SKI: variants seen among roughly 807,000 people sequenced by gnomAD.
SKI encodes ski oncogene.
Under a neutral mutation model 59.3 loss-of-function variants are expected in SKI, and 23 were observed. The ratio of observed to expected loss-of-function variants is 0.39; its 90% CI spans 0.28 to 0.55. SKI has a LOEUF of 0.55. Ranked by LOEUF, SKI falls within the 20% of genes least tolerant of loss-of-function variation. The pLI is 0.67. For synonymous variants in SKI, 673 were observed against 488.6 expected, an observed-to-expected ratio of 1.38 and a Z score of -4.98; for missense variants, 1,017 against 1,038.9, an observed-to-expected ratio of 0.98 and a Z score of 0.29.
intron 1 of SKI, among the ~76,000 whole-genome samples, chr1:2,271,808 C>T (rs201462702): frequency 3.3e-5 from 5 of 152,134 alleles, no homozygotes; most frequent in Non-Finnish European, 7.4e-5. Context: ...GGTCTGTTGC[C>T]GAGGGGCCAG....
At chr1:2,272,818 ACCACGCCCCGAGCCTCCCCCTC>A (rs925297029) in intron 1 of SKI, among the ~76,000 whole-genome samples, 23 of 151,460 alleles carry the variant, frequency 1.5e-4, no homozygotes, top group Admixed American at 2.6e-4. Flanking sequence ...GGCAGTTCTC[ACCACGCCCCGAGCCTCCCCCTC>A]CCACGCCCCG....
At chr1:2,235,141 C>G (rs1638725941) in intron 1 of SKI, among the ~76,000 whole-genome samples, 2 of 134,202 alleles carry the variant, frequency 1.5e-5, no homozygotes, top group Admixed American at 1.6e-4. Flanking sequence ...CTCCTGGGTT[C>G]AAGCGATTCT....
chr1:2,297,841 C>A (rs1183976685), intron 1 of SKI, among the ~76,000 whole-genome samples: 1 of 152,272 alleles, frequency 6.6e-6, no homozygotes, highest in Non-Finnish European at 1.5e-5. Context: ...TGAGACTGGC[C>A]ACTCCCATGG....
chr1:2,249,152 G>A (rs1014894554), intron 1 of SKI, among the ~76,000 whole-genome samples: 4 of 152,240 alleles, frequency 2.6e-5, no homozygotes, highest in Admixed American at 2.0e-4. Context: ...TGAGTTGGAG[G>A]CCAGCTTTCA....
intron 1 of SKI, among the ~76,000 whole-genome samples, chr1:2,247,568 G>A (rs1639026631): frequency 6.6e-6 from 1 of 152,252 alleles, no homozygotes; most frequent in Non-Finnish European, 1.5e-5. Context: ...CCCGGGGCAA[G>A]GGGCCATTCT....
intron 1 of SKI, among the ~76,000 whole-genome samples, chr1:2,289,374 T>C (rs1054033518): frequency 2.6e-5 from 4 of 152,002 alleles, no homozygotes; most frequent in Non-Finnish European, 5.9e-5. Context: ...TGCCAGCCAG[T>C]CTTCGAGGGC....
chr1:2,246,650 G>A (rs902199369), intron 1 of SKI, among the ~76,000 whole-genome samples: 57 of 152,204 alleles, frequency 3.7e-4, no homozygotes, highest in African/African-American at 1.3e-3. Context: ...GCTGGGCGGG[G>A]GCTCTGCCGG....
chr1:2,264,013 TAA>T lies in SKI; in HGVS notation c.969+34289_969+34290del, dbSNP rs34137908. 2.2e-3 allele frequency among the ~76,000 whole-genome samples: 325 copies of T among 149,292 alleles called. 1 individual carries two copies. The highest frequency in any genetic ancestry group is 7.6e-3 in the African/African-American group (308 of 40,720). On this transcript the variant is annotated intron_variant, in intron 1 of 6. Transcript: ENST00000378536. ...CAACATAGGGAGACACTGTTTCTATTAAAAAAAAAAAAGTTTCGTGGAACTTA... is the reference window on the plus strand; with the variant it reads ...CAACATAGGGAGACACTGTTTCTATTAAAAAAAAAAGTTTCGTGGAACTTA...
rs886958423 is a variant in SKI, at chr1:2,270,141, C to T, written c.970-32837C>T. ...TGCCCTGGTCATTGTCCCCTACAGC[C>T]AGGCAGTAAAGTGTGGCCAGCACCT... On this transcript the variant is annotated intron_variant, in intron 1 of 6. Coordinates refer to ENST00000378536, the MANE Select transcript of SKI (RefSeq NM_003036.4). This position sits in a 1 kb window ranked among gnomAD's most constrained non-coding sequence, Gnocchi z 4.1. Among the ~76,000 whole-genome samples the T allele has an allele frequency of 1.3e-5, 2 of 152,168 alleles. No homozygotes were observed. Among genetic ancestry groups the T allele is most frequent in the Admixed American group, 6.5e-5 (1 of 15,278 alleles).
chr1:2,286,138 C>G (rs1640036566), intron 1 of SKI, among the ~76,000 whole-genome samples: 1 of 152,184 alleles, frequency 6.6e-6, no homozygotes, highest in African/African-American at 2.4e-5. Context: ...TCCCAAAGTG[C>G]TGGGATTACA....
At chr1:2,241,981 G>A (rs535788142) in intron 1 of SKI, among the ~76,000 whole-genome samples, 6 of 152,264 alleles carry the variant, frequency 3.9e-5, no homozygotes, top group African/African-American at 1.4e-4. Flanking sequence ...GCCTGTGTGT[G>A]CCTGTGTGTA....
intron 1 of SKI, among the ~76,000 whole-genome samples, chr1:2,236,313 T>G (rs1638748790): frequency 6.6e-6 from 1 of 152,244 alleles, no homozygotes; most frequent in African/African-American, 2.4e-5. Context: ...ACTCACTGAA[T>G]GACTCAGTGG....
chr1:2,283,127 C>T (rs761769589), intron 1 of SKI, among the ~76,000 whole-genome samples: 6 of 152,220 alleles, frequency 3.9e-5, no homozygotes, highest in Admixed American at 1.3e-4. Context: ...CCGGCCCAAC[C>T]GCCTTTGTCG....
intron 1 of SKI, among the ~76,000 whole-genome samples, chr1:2,258,503 CTT>C (rs779297545): frequency 3.0e-5 from 4 of 134,900 alleles, no homozygotes; most frequent in Non-Finnish European, 3.2e-5. Context: ...TGTCATTTTC[CTT>C]TTTTTTTTTT....
At chr1:2,230,129 AG>A (rs1638600555) in intron 1 of SKI, among the ~76,000 whole-genome samples, 1 of 152,186 alleles carries the variant, frequency 6.6e-6, no homozygotes, top group Admixed American at 6.5e-5. Context: ...CCTCAGGCCC[AG>A]GTCTTTCTTG....
rs1473292568 is a variant in SKI, at chr1:2,228,595, C to T, written c.-172C>T. 6.2e-6 allele frequency: 1 copy of T among 160,018 alleles called. No individual in the cohort carries two copies. The highest frequency in any genetic ancestry group is 2.1e-4 in the East Asian group (1 of 4,822). The allele number at this position is 160,018 out of a possible 1,614,324, so 9.9% of individuals were successfully genotyped here. A position where few individuals can be genotyped will look rare whatever the true frequency, so the allele number is the denominator to read the frequency against. ...GGCGGGACCCCTTCGCCCCGCCCGCCTTCCCCTTCGCGCCCCCGGGCGAGG... is the reference window on the plus strand; with the variant it reads ...GGCGGGACCCCTTCGCCCCGCCCGCTTTCCCCTTCGCGCCCCCGGGCGAGG... On this transcript the variant is annotated 5_prime_UTR_variant, in exon 1 of 7. Transcript: ENST00000378536.
rs200160702 is a variant in SKI at position 2,303,341 on chromosome 1, C to G, written c.1152C>G (p.Pro384=). The G allele has an allele frequency of 1.9e-6, 3 of 1,613,882 alleles. No homozygotes were observed. The highest frequency in any genetic ancestry group is 3.3e-4 in the Middle Eastern group (2 of 6,062). Residue 384 remains proline (P), a synonymous_variant, in exon 3 of 7, where the codon CCC becomes CCG. Coordinates refer to ENST00000378536, the MANE Select transcript of SKI (RefSeq NM_003036.4). This position sits in a 1 kb window ranked among gnomAD's most constrained non-coding sequence, Gnocchi z 5.6. ...QRLSAFRPWS[P]AVSASEKELS... The stretch of plus-strand genomic sequence containing the variant: ...TCTCTGCTTTCCGACCCTGGTCCCC[C>G]GCAGTGTCAGCGAGTGAGAAAGAGC...
intron 1 of SKI, among the ~76,000 whole-genome samples, chr1:2,251,229 A>G (rs1299772199): frequency 6.6e-6 from 1 of 152,114 alleles, no homozygotes; most frequent in African/African-American, 2.4e-5. Flanking sequence ...CACAGTTTTG[A>G]TGCCCAAGTT....
At chr1:2,240,097 C>T (rs1300039712) in intron 1 of SKI, among the ~76,000 whole-genome samples, 11 of 152,236 alleles carry the variant, frequency 7.2e-5, no homozygotes, top group Non-Finnish European at 1.5e-4. Flanking sequence ...TCTGTGGGGT[C>T]TCTTGTCCTG....
Sources: allele counts gnomAD v4.1 joint callset (sites outside exome capture counted in the v4.1 genomes callset), GRCh38; gene constraint gnomAD v4.1.1; non-coding constraint Gnocchi (gnomAD v3.1); transcripts MANE v1.5; gene names NCBI Gene and HGNC (gene_info 2026-07-23, HGNC 2026-07-21).